The following ANK1 variants were observed in gnomAD, a reference collection of about 807,000 sequenced individuals.
ANK1 encodes ankyrin 1, also known as ankyrin-1.
Under a neutral mutation model 210.4 loss-of-function variants are expected in ANK1, and 51 were observed. That is an observed-to-expected ratio of 0.24 (90% confidence interval 0.19 to 0.31). ANK1 has a LOEUF of 0.31. ANK1 is among the 10% of genes least tolerant of loss of function. ANK1 has a pLI of 1.00. For missense variants in ANK1, 2,051 were observed against 2,504.4 expected (o/e 0.82, Z 3.86); for synonymous variants, 967 against 1,025.9 (o/e 0.94, Z 1.10).
At chr8:41,752,509 T>C (rs1837952362) in intron 2 of ANK1, among the ~76,000 whole-genome samples, 1 of 152,206 alleles carries the variant, frequency 6.6e-6, no homozygotes, top group South Asian at 2.1e-4. Flanking sequence ...TATATATTTC[T>C]GCTTGGATTC....
intron 31 of ANK1, among the ~76,000 whole-genome samples, chr8:41,692,152 G>A (rs1819449601): frequency 1.3e-5 from 2 of 151,920 alleles, no homozygotes; most frequent in African/African-American, 4.8e-5. Context: ...TGCCTCCCGG[G>A]TTCAAGTGAT....
chr8:41,799,605 G>C (rs1265508238), upstream of ANK1, among the ~76,000 whole-genome samples: 1 of 152,176 alleles, frequency 6.6e-6, no homozygotes, highest in South Asian at 2.1e-4. Flanking sequence ...CCAAAGCTTA[G>C]GATCCTGCTA....
intron 1 of ANK1, among the ~76,000 whole-genome samples, chr8:41,887,293 A>G (rs1238070049): frequency 7.8e-6 from 1 of 127,488 alleles, no homozygotes; most frequent in African/African-American, 3.2e-5. Flanking sequence ...CTGTCACCCA[A>G]GCTGGAGTGC....
intron 1 of ANK1, among the ~76,000 whole-genome samples, chr8:41,857,751 A>C (rs1376278724): frequency 1.3e-5 from 2 of 150,380 alleles, no homozygotes; most frequent in Non-Finnish European, 3.0e-5. Context: ...AAAAAAAAAA[A>C]ACGTTGGCCA....
At chr8:41,708,413 C>G (rs1825273513) in intron 17 of ANK1, among the ~76,000 whole-genome samples, 1 of 152,204 alleles carries the variant, frequency 6.6e-6, no homozygotes, top group Non-Finnish European at 1.5e-5. Context: ...CCCCACGGAA[C>G]ATAGAATATT....
intron 16 of ANK1, among the ~76,000 whole-genome samples, chr8:41,709,689 C>G (rs1825635241): frequency 6.6e-6 from 1 of 152,194 alleles, no homozygotes. Flanking sequence ...ATTCCCAACA[C>G]TTTGGGAGGC....
chr8:41,773,873 G>T (rs1026826814), intron 1 of ANK1, among the ~76,000 whole-genome samples: 1 of 152,192 alleles, frequency 6.6e-6, no homozygotes, highest in African/African-American at 2.4e-5. Context: ...GACCCAAGTG[G>T]CAAGCCTGCG....
chr8:41,786,980 C>T lies in ANK1; in HGVS notation c.27+10532G>A, dbSNP rs138142649. On this transcript the variant is annotated intron_variant, in intron 1 of 42. Coordinates refer to ENST00000289734, the MANE Select transcript of ANK1 (RefSeq NM_000037.4). ...AAGGTTGACATGTTTTCATGGTTTC[C>T]CACACACTGAAGTCAGAGTGGGTGT... 8.8e-3 allele frequency among the ~76,000 whole-genome samples: 1,345 copies of T among 152,332 alleles called. 26 individuals are homozygous for T. Among genetic ancestry groups the T allele is most frequent in the African/African-American group, 0.03 (1,251 of 41,570 alleles).
intron 3 of ANK1, 54 bp downstream of exon 3, chr8:41,733,917 A>G (rs997491818): frequency 1.4e-6 from 2 of 1,416,450 alleles, no homozygotes; most frequent in South Asian, 2.3e-5. Flanking sequence ...CTAAGGAAGG[A>G]CTCACAAACT....
chr8:41,796,287 T>G (rs1848712880), intron 1 of ANK1, among the ~76,000 whole-genome samples: 1 of 152,132 alleles, frequency 6.6e-6, no homozygotes, highest in South Asian at 2.1e-4. Context: ...TTTTACCCAT[T>G]TTTTCCATCG....
intron 9 of ANK1, among the ~76,000 whole-genome samples, chr8:41,722,117 G>C (rs1032076645): frequency 6.6e-6 from 1 of 152,200 alleles, no homozygotes; most frequent in Non-Finnish European, 1.5e-5. Flanking sequence ...TAGGAGAGAG[G>C]GTGGGGGCTC....
At chr8:41,713,619 A>G (rs948365349) in intron 16 of ANK1, among the ~76,000 whole-genome samples, 1 of 152,232 alleles carries the variant, frequency 6.6e-6, no homozygotes, top group Non-Finnish European at 1.5e-5. Flanking sequence ...GGAGATGATC[A>G]TTCTCATTTT....
At chr8:41,771,254 G>GA (rs369257000) in intron 1 of ANK1, among the ~76,000 whole-genome samples, 44 of 148,650 alleles carry the variant, frequency 3.0e-4, no homozygotes, top group African/African-American at 4.4e-4. Flanking sequence ...CAGGATGGCA[G>GA]AAAAAAAAAA....
At position 41,684,942 on chromosome 8, in the gene ANK1, AAATT is replaced by A. The variant is rs559175013; in HGVS notation, c.4391-256_4391-253del. Among the ~76,000 whole-genome samples, 9 of 152,262 alleles carry A rather than the reference AAATT, an allele frequency of 5.9e-5. No homozygotes were observed. The South Asian group carries it at 1.9e-3, about 32-fold the overall frequency. ...TGGTCTCTGTTACCAAAAAAAAAAT[AAATT>A]ATTTTATTTATTGGTCTCACTCTGT... On this transcript the variant is annotated intron_variant, in intron 36 of 42. Coordinates refer to ENST00000289734, the MANE Select transcript of ANK1 (RefSeq NM_000037.4).
chr8:41,764,127 C>G (rs1841197976), intron 1 of ANK1, among the ~76,000 whole-genome samples: 1 of 150,664 alleles, frequency 6.6e-6, no homozygotes, highest in African/African-American at 2.4e-5. Flanking sequence ...CTCTCTTGAT[C>G]TGAATAATCA....
chr8:41,832,523 C>T (rs1276930990), intron 1 of ANK1, among the ~76,000 whole-genome samples: 5 of 152,220 alleles, frequency 3.3e-5, no homozygotes, highest in African/African-American at 9.6e-5. Flanking sequence ...CTCTCCCACC[C>T]CCAGGCTGTC....
At chr8:41,857,905 A>AAAATAAAT (rs112696006) in intron 1 of ANK1, among the ~76,000 whole-genome samples, 19 of 150,960 alleles carry the variant, frequency 1.3e-4, no homozygotes, top group African/African-American at 4.4e-4. Flanking sequence ...CTCCATCTCA[A>AAAATAAAT]AAATAAATAA....
intron 2 of ANK1, among the ~76,000 whole-genome samples, chr8:41,736,908 G>A (rs534619237): frequency 1.3e-5 from 2 of 152,278 alleles, no homozygotes; most frequent in Non-Finnish European, 2.9e-5. Context: ...TCAAACGATT[G>A]GCAGAGGCCA....
chr8:41,704,587 G>T lies in ANK1; in HGVS notation c.2098-115C>A. ...ACGGACAGGGAGCCCCTTGAAGGCT[G>T]ACATTGACAAGCTGAATGGCTGCTG... is the stretch of plus-strand genomic sequence containing the variant. On this transcript the variant is annotated intron_variant, in intron 18 of 42. Transcript: ENST00000289734. The surrounding 1 kb of genome is among the most constrained non-coding windows in gnomAD (Gnocchi z 4.1). The T allele has an allele frequency of 1.1e-6, 1 of 899,266 alleles. No homozygotes were observed. The highest frequency in any genetic ancestry group is 1.8e-6 in the Non-Finnish European group (1 of 551,208). 55.7% of individuals were successfully genotyped at this position (899,266 alleles called of 1,614,324 possible). A position where few individuals can be genotyped will look rare whatever the true frequency, so the allele number is the denominator to read the frequency against.
Sources: allele counts gnomAD v4.1 joint callset (sites outside exome capture counted in the v4.1 genomes callset), GRCh38; gene constraint gnomAD v4.1.1; non-coding constraint Gnocchi (gnomAD v3.1); transcripts MANE v1.5; gene names NCBI Gene and HGNC (gene_info 2026-07-23, HGNC 2026-07-21).